Variants in SLC37A3 observed in about 807,000 individuals in gnomAD.
SLC37A3 encodes solute carrier family 37 member 3, also known as sugar phosphate exchanger 3.
Under a neutral mutation model 67.1 loss-of-function variants are expected in SLC37A3, and 51 were observed. The observed-to-expected ratio is 0.76, with a 90% CI of 0.61 to 0.96. SLC37A3 has a LOEUF of 0.96. Ranked by LOEUF, SLC37A3 falls within the 40% of genes least tolerant of loss-of-function variation. The pLI, the probability that SLC37A3 is intolerant of heterozygous loss-of-function variation, is 0.00. For missense variants in SLC37A3, 508 were observed against 603.0 expected (o/e 0.84, Z 1.65); for synonymous variants, 214 against 231.4 (o/e 0.92, Z 0.68).
At chr7:140,390,097 A>G (rs1798666445) in intron 1 of SLC37A3, among the ~76,000 whole-genome samples, 1 of 152,120 alleles carries the variant, frequency 6.6e-6, no homozygotes, top group Non-Finnish European at 1.5e-5. Context: ...TCAAAAAACA[A>G]AACAAAACAA....
At position 140,355,680 on chromosome 7, in the gene SLC37A3, C is replaced by T. The variant is rs1190951180; in HGVS notation, c.606G>A (p.Gln202=). 9 of 1,613,780 alleles carry T rather than the reference C, an allele frequency of 5.6e-6. No homozygotes were observed. The highest frequency in any genetic ancestry group is 2.2e-5 in the East Asian group (1 of 44,890). Residue 202 remains glutamine (Q), a synonymous_variant, in exon 7 of 15, where the codon CAG becomes CAA. Transcript: ENST00000326232. The part of the protein sequence containing the change: ...LGACLASSVL[Q]YGYEYAFLVT... ...AAACAATACCTACCTCATAACCATA[C>T]TGAAGAACAGAAGAAGCTAGGCACG...
chr7:140,389,139 A>G (rs1798625310), intron 1 of SLC37A3, among the ~76,000 whole-genome samples: 1 of 152,180 alleles, frequency 6.6e-6, no homozygotes, highest in African/African-American at 2.4e-5. Flanking sequence ...AACTGATAAC[A>G]GACCCCCTTC....
Position 140,335,265 on chromosome 7 carries a change from A to T in SLC37A3, c.*147T>A, listed in dbSNP as rs371842286. The T allele has an allele frequency of 8.1e-6, 13 of 1,614,154 alleles. No homozygotes were observed. Among genetic ancestry groups the T allele is most frequent in the Non-Finnish European group, 1.0e-5 (12 of 1,180,010 alleles). On this transcript the variant is annotated 3_prime_UTR_variant, in exon 15 of 15. Transcript: ENST00000326232. ...ACTAGTGCAGCCTTCACTGCTGGTC[A>T]GCATCTCAGGTGGCTGGCAGTGTTG...
chr7:140,387,648 T>C (rs1439548420), intron 1 of SLC37A3, among the ~76,000 whole-genome samples: 1 of 116,270 alleles, frequency 8.6e-6, no homozygotes, highest in East Asian at 2.1e-4. Context: ...TATAAATATA[T>C]ATATTATATA....
rs1188818385 is a variant in SLC37A3, at chr7:140,358,794, G to C, written c.376-9C>G. 2 of 1,613,468 alleles carry C rather than the reference G, an allele frequency of 1.2e-6. No homozygotes were observed. The highest frequency in any genetic ancestry group is 1.7e-6 in the Non-Finnish European group (2 of 1,179,534). ...GCACCAAAGACAAACACCTTGAAGA[G>C]GAGGAAACAAAAGGAATATGTAACA... is the stretch of plus-strand genomic sequence containing the variant. On this transcript the variant is annotated splice_polypyrimidine_tract_variant and intron_variant, in intron 5 of 14. Transcript: ENST00000326232.
chr7:140,358,796 A>C lies in SLC37A3; in HGVS notation c.376-11T>G, dbSNP rs773522981. The C allele has an allele frequency of 1.2e-6, 2 of 1,613,456 alleles. No homozygotes were observed. Among genetic ancestry groups the C allele is most frequent in the Non-Finnish European group, 1.7e-6 (2 of 1,179,522 alleles). ...ACCAAAGACAAACACCTTGAAGAGG[A>C]GGAAACAAAAGGAATATGTAACAGC... On this transcript the variant is annotated splice_polypyrimidine_tract_variant and intron_variant, in intron 5 of 14. Transcript: ENST00000326232.
chr7:140,336,535 G>T (rs1796136231), intron 14 of SLC37A3, among the ~76,000 whole-genome samples: 1 of 152,206 alleles, frequency 6.6e-6, no homozygotes, highest in South Asian at 2.1e-4. Flanking sequence ...ATTTCCTCAA[G>T]AAACTATCAA....
At chr7:140,361,698 G>C (rs1291311409) in intron 5 of SLC37A3, among the ~76,000 whole-genome samples, 1 of 150,074 alleles carries the variant, frequency 6.7e-6, no homozygotes, top group African/African-American at 2.4e-5. Flanking sequence ...GCAGGCGCGC[G>C]CCGCCACGCC....
chr7:140,373,181 C>T (rs901186660), intron 3 of SLC37A3, among the ~76,000 whole-genome samples: 18 of 152,058 alleles, frequency 1.2e-4, no homozygotes, highest in African/African-American at 1.4e-4. Flanking sequence ...GAACTCCTGA[C>T]CTCGTGATCT....
chr7:140,357,644 C>T (rs531452280), intron 6 of SLC37A3, among the ~76,000 whole-genome samples: 3 of 151,088 alleles, frequency 2.0e-5, no homozygotes, highest in East Asian at 2.0e-4. Context: ...TGGCTGGGTG[C>T]GGTGGCTCAT....
chr7:140,367,964 C>T (rs1797669035), intron 4 of SLC37A3, among the ~76,000 whole-genome samples: 1 of 151,910 alleles, frequency 6.6e-6, no homozygotes, highest in African/African-American at 2.4e-5. Flanking sequence ...GGACTACAGG[C>T]ACCCACATCT....
intron 4 of SLC37A3, among the ~76,000 whole-genome samples, chr7:140,366,144 T>C (rs193088065): frequency 1.6e-4 from 25 of 152,016 alleles, no homozygotes; most frequent in Admixed American, 1.4e-3. Context: ...GGTCTTGAAG[T>C]ATTGGCCTCA....
chr7:140,376,141 C>CT (rs1208020051), intron 3 of SLC37A3, among the ~76,000 whole-genome samples: 1 of 152,152 alleles, frequency 6.6e-6, no homozygotes, highest in Non-Finnish European at 1.5e-5. Context: ...TTTTAAACAG[C>CT]TTTTTTCTGC....
In SLC37A3 at chr7:140,382,462, A is replaced by G. The variant is rs865796847; in HGVS notation, c.65T>C (p.Val22Ala). The change falls in exon 2 of 15, where the codon GTA becomes GCA. Residue 22 changes from valine to alanine, a missense_variant. Physicochemically the swap from Val to Ala is moderately conservative, Grantham distance 64. Transcript: ENST00000326232. ...CCTGAAGAAAGTGAGCAGGAACACT[A>G]CAACATGATGATGGCTGAACTGGGA... ...LLSQFSHHHVVVFLLTFFSYS... is the reference protein window; with the variant it reads ...LLSQFSHHHVAVFLLTFFSYS... 8 of 1,614,200 alleles carry G rather than the reference A, an allele frequency of 5.0e-6. No homozygotes were observed. The highest frequency in any genetic ancestry group is 2.7e-5 in the African/African-American group (2 of 75,072).
intron 9 of SLC37A3, among the ~76,000 whole-genome samples, chr7:140,349,563 T>A (rs1447170250): frequency 6.6e-6 from 1 of 152,046 alleles, no homozygotes; most frequent in African/African-American, 2.4e-5. Context: ...AGGGGCTGAC[T>A]TCAAAGGGTG....
chr7:140,367,384 T>C (rs989937047), intron 4 of SLC37A3, among the ~76,000 whole-genome samples: 3 of 149,400 alleles, frequency 2.0e-5, no homozygotes, highest in South Asian at 2.1e-4. Flanking sequence ...TGCAGTGAGC[T>C]GAGATAGCAC....
At chr7:140,387,743 T>TTATATAAATATAAATATATTATATATTA (rs1798529600) in intron 1 of SLC37A3, among the ~76,000 whole-genome samples, 3 of 21,294 alleles carry the variant, frequency 1.4e-4, no homozygotes, top group South Asian at 3.4e-3. Flanking sequence ...ATACTATATA[T>TTATATAAATATAAATATATTATATATTA]TATATAAATA....
intron 14 of SLC37A3, among the ~76,000 whole-genome samples, chr7:140,335,939 T>C (rs756990251): frequency 6.6e-6 from 1 of 152,200 alleles, no homozygotes; most frequent in Non-Finnish European, 1.5e-5. Context: ...TAGATGGGAA[T>C]TAGATGAAAG....
At position 140,390,385 on chromosome 7, in the gene SLC37A3, G is replaced by A. The variant is rs73474990; in HGVS notation, c.-70-7789C>T. On this transcript the variant is annotated intron_variant, in intron 1 of 14. Coordinates refer to ENST00000326232, the MANE Select transcript of SLC37A3 (RefSeq NM_207113.3). ...AGGCACTATATCCTCACAAGACTCC[G>A]GGTGCTCCCTATACCTTCACTTCCC... 2.2e-3 allele frequency among the ~76,000 whole-genome samples: 338 copies of A among 152,048 alleles called. 1 individual carries two copies. Among genetic ancestry groups the A allele is most frequent in the African/African-American group, 7.9e-3 (326 of 41,442 alleles).
Sources: gnomAD v4.1 joint callset for allele counts (sites outside exome capture counted in the v4.1 genomes callset) on GRCh38, gnomAD v4.1.1 for gene constraint, MANE v1.5 for transcripts, NCBI Gene and HGNC (gene_info 2026-07-23, HGNC 2026-07-21) for gene names.